The following SEMA4D variants were observed in gnomAD, a reference collection of about 807,000 sequenced individuals.
SEMA4D encodes the protein semaphorin-4D.
In SEMA4D, 22 loss-of-function variants were observed where a neutral mutation model predicts 74.8. The observed-to-expected ratio is 0.29, with a 90% confidence interval of 0.21 to 0.42. SEMA4D has a LOEUF of 0.42. SEMA4D is among the 10% of genes least tolerant of loss of function. The pLI is 1.00. For synonymous variants in SEMA4D, 445 were observed against 463.7 expected (o/e 0.96, Z 0.52); for missense variants, 937 against 1,118.4 (o/e 0.84, Z 2.31).
chr9:89,394,936 G>A (rs1396963078), intron 6 of SEMA4D, among the ~76,000 whole-genome samples: 2 of 152,204 alleles, frequency 1.3e-5, no homozygotes, highest in African/African-American at 4.8e-5. Context: ...CTTAGGAGAT[G>A]CCTGTGAAGG....
At chr9:89,396,616 G>T in intron 6 of SEMA4D, 121 bp downstream of exon 6, 1 of 834,614 alleles carries the variant, frequency 1.2e-6, no homozygotes, top group Non-Finnish European at 1.9e-6. Context: ...TCTGCAGCTG[G>T]CTCTGAGAAA....
chr9:89,373,060 G>A (rs1407743095), downstream of SEMA4D, among the ~76,000 whole-genome samples: 10 of 152,130 alleles, frequency 6.6e-5, no homozygotes. Flanking sequence ...GTGTGGCCCT[G>A]TCCCTCCCTT....
rs550720618 is a variant in SEMA4D, at chr9:89,383,293, C to T, written c.1447-1947G>A. Among the ~76,000 whole-genome samples, 7 of 152,336 alleles carry T rather than the reference C, an allele frequency of 4.6e-5. No individual in the cohort carries two copies. The South Asian group carries it at 1.4e-3, about 32-fold the overall frequency. On this transcript the variant is annotated intron_variant, in intron 13 of 15. Coordinates refer to ENST00000422704, the MANE Select transcript of SEMA4D (RefSeq NM_001371194.2). ...TCTCCCCCACCCCCAGTGTGGACTA[C>T]ATGCCCCGACACACTCGACATGGAA... is the stretch of plus-strand genomic sequence containing the variant.
chr9:89,486,519 C>A (rs1825212726), intron 1 of SEMA4D, among the ~76,000 whole-genome samples: 1 of 152,140 alleles, frequency 6.6e-6, no homozygotes, highest in East Asian at 1.9e-4. Flanking sequence ...ATAAATCACA[C>A]AAATAACCAG....
downstream of SEMA4D, among the ~76,000 whole-genome samples, chr9:89,373,668 A>G (rs1478737543): frequency 6.6e-6 from 1 of 152,206 alleles, no homozygotes; most frequent in African/African-American, 2.4e-5. Context: ...CCACGAAAAC[A>G]GCCATTATAG....
chr9:89,427,873 CCACA>C (rs1033334602), intron 2 of SEMA4D, among the ~76,000 whole-genome samples: 24 of 152,318 alleles, frequency 1.6e-4, no homozygotes, highest in Admixed American at 1.3e-3. Flanking sequence ...TCATTGCCCC[CCACA>C]CAGTCACCTT....
chr9:89,458,072 G>A (rs1856371421), intron 1 of SEMA4D, among the ~76,000 whole-genome samples: 1 of 152,106 alleles, frequency 6.6e-6, no homozygotes, highest in Non-Finnish European at 1.5e-5. Flanking sequence ...AAACCCTGAG[G>A]AGGTGACCTT....
chr9:89,430,183 C>G lies in SEMA4D; in HGVS notation c.-243-24484G>C, dbSNP rs753560071. Among the ~76,000 whole-genome samples the G allele has an allele frequency of 4.2e-4, 64 of 152,054 alleles. 1 individual carries two copies. The highest frequency in any genetic ancestry group is 8.7e-4 in the Non-Finnish European group (59 of 68,032). On this transcript the variant is annotated intron_variant, in intron 2 of 15. Coordinates refer to ENST00000422704, the MANE Select transcript of SEMA4D (RefSeq NM_001371194.2). ...GGAATTACTGGACGGTCAGAACATA[C>G]ACCACAAAATTTCAGAACTAGGAGG...
intron 1 of SEMA4D, among the ~76,000 whole-genome samples, chr9:89,464,783 C>T (rs955246926): frequency 2.0e-5 from 3 of 151,908 alleles, no homozygotes; most frequent in Non-Finnish European, 4.4e-5. Flanking sequence ...CAGGGGTCCC[C>T]CGCCTCCTGG....
intron 2 of SEMA4D, among the ~76,000 whole-genome samples, chr9:89,408,297 G>A (rs879937970): frequency 1.3e-5 from 2 of 152,212 alleles, no homozygotes; most frequent in African/African-American, 2.4e-5. Flanking sequence ...GTGGGGCTGC[G>A]TGGAAGCAAC....
intron 2 of SEMA4D, among the ~76,000 whole-genome samples, chr9:89,447,995 A>G (rs1853391585): frequency 6.6e-6 from 1 of 151,932 alleles, no homozygotes; most frequent in Non-Finnish European, 1.5e-5. Context: ...TTTTATTTTT[A>G]TGTATTTATT....
intron 2 of SEMA4D, among the ~76,000 whole-genome samples, chr9:89,443,607 C>G (rs957309810): frequency 2.0e-5 from 3 of 152,234 alleles, no homozygotes; most frequent in African/African-American, 4.8e-5. Context: ...ACGGCCCTGG[C>G]CCTGCAGCGC....
At chr9:89,364,048 G>GGACC in intron 16 of SEMA4D, 1 of 1,605,420 alleles carries the variant, frequency 6.2e-7, no homozygotes, top group Non-Finnish European at 8.5e-7. Flanking sequence ...TGTCCCAGTT[G>GGACC]GACCTGAAGT....
At chr9:89,398,450 C>A (rs1169213813) in intron 5 of SEMA4D, among the ~76,000 whole-genome samples, 1 of 152,192 alleles carries the variant, frequency 6.6e-6, no homozygotes, top group Non-Finnish European at 1.5e-5. Context: ...AAACAAAATT[C>A]TCTGACTCCA....
At chr9:89,368,543 TTGTTGGTCATCCTTTC>T (rs1467288089) in intron 16 of SEMA4D, 1 of 152,420 alleles carries the variant, frequency 6.6e-6, no homozygotes, top group Non-Finnish European at 1.5e-5. Flanking sequence ...CCCTGAGGCC[TTGTTGGTCATCCTTTC>T]TGTCCTCTGT....
intron 1 of SEMA4D, among the ~76,000 whole-genome samples, chr9:89,477,961 T>C (rs1428384768): frequency 6.6e-6 from 1 of 152,130 alleles, no homozygotes; most frequent in East Asian, 1.9e-4. Flanking sequence ...TGAGTCAACA[T>C]GAAGTTATTT....
At position 89,386,450 on chromosome 9, in the gene SEMA4D, C is replaced by T. The variant is rs746889382; in HGVS notation, c.1363G>A (p.Glu455Lys). 44 of 1,613,956 alleles carry T rather than the reference C, an allele frequency of 2.7e-5. 1 individual carries two copies. The Admixed American group carries it at 6.5e-4, about 24-fold the overall frequency. Residue 455 changes from glutamate to lysine, a missense_variant, in exon 13 of 16, where the codon GAG becomes AAG. Glu to Lys is a moderately conservative substitution (Grantham distance 56, BLOSUM62 1). Transcript: ENST00000422704. Reference protein sequence around the residue: ...RGALHKAISLEHAVHIIEETQ... With the variant: ...RGALHKAISLKHAVHIIEETQ... ...TCCTCGATGATGTGAACAGCGTGCTCGAGGCTGATGGCTTTGTGCAGAGCT... is the reference window on the plus strand; with the variant it reads ...TCCTCGATGATGTGAACAGCGTGCTTGAGGCTGATGGCTTTGTGCAGAGCT...
intron 2 of SEMA4D, among the ~76,000 whole-genome samples, chr9:89,426,344 A>G (rs1261160245): frequency 6.6e-6 from 1 of 152,236 alleles, no homozygotes; most frequent in Non-Finnish European, 1.5e-5. Context: ...TTCTTTAAAT[A>G]TATACACTAC....
At chr9:89,369,742 T>G (rs1834247954) in intron 16 of SEMA4D, among the ~76,000 whole-genome samples, 1 of 152,264 alleles carries the variant, frequency 6.6e-6, no homozygotes, top group South Asian at 2.1e-4. Context: ...CTCGGCTGCA[T>G]GCTAACTTTA....
Sources: gnomAD v4.1 joint callset for allele counts (sites outside exome capture counted in the v4.1 genomes callset) on GRCh38, gnomAD v4.1.1 for gene constraint, MANE v1.5 for transcripts, NCBI Gene and HGNC (gene_info 2026-07-23, HGNC 2026-07-21) for gene names.